The following PDE8B variants were observed in gnomAD, a reference collection of about 807,000 sequenced individuals.
PDE8B encodes the protein high affinity cAMP-specific and IBMX-insensitive 3',5'-cyclic phosphodiesterase 8B.
In PDE8B, 26 loss-of-function variants were observed where a neutral mutation model predicts 101.3. The observed-to-expected ratio is 0.26, with a 90% CI of 0.19 to 0.36. PDE8B has a LOEUF of 0.36. Among genes scored for constraint, PDE8B ranks in the 10% least tolerant of loss-of-function variants. The pLI is 1.00. For synonymous variants in PDE8B, 424 were observed against 429.3 expected (o/e 0.99, Z 0.15); for missense variants, 810 against 1,163.1 (o/e 0.70, Z 4.42).
Position 77,411,741 on chromosome 5 carries a change from C to T in PDE8B, c.1576+20C>T, listed in dbSNP as rs1335124992. The T allele has an allele frequency of 1.9e-6, 3 of 1,574,306 alleles. No homozygotes were observed. ...CTAAGAGTAAGTTTTCATCTATTTA[C>T]TTGTTAGTGTAACCTGTCTCCAGCC... On this transcript the variant is annotated intron_variant, in intron 15 of 21. Coordinates refer to ENST00000264917, the MANE Select transcript of PDE8B (RefSeq NM_003719.5).
chr5:77,422,902 G>A (rs1484967546), intron 20 of PDE8B, among the ~76,000 whole-genome samples: 1 of 152,198 alleles, frequency 6.6e-6, no homozygotes, highest in African/African-American at 2.4e-5. Flanking sequence ...GGGGGTACAT[G>A]TGCAGGTTTG....
chr5:77,275,462 G>T (rs780736092), intron 1 of PDE8B, among the ~76,000 whole-genome samples: 1 of 152,220 alleles, frequency 6.6e-6, no homozygotes, highest in Non-Finnish European at 1.5e-5. Context: ...TCTTTTAAGA[G>T]AACAGTTTTA....
chr5:77,270,205 A>G (rs1456481024), intron 1 of PDE8B, among the ~76,000 whole-genome samples: 1 of 151,986 alleles, frequency 6.6e-6, no homozygotes, highest in African/African-American at 2.4e-5. Context: ...GTTAATTCCT[A>G]TGTATTTTAT....
rs1468583953 is a variant in PDE8B, at chr5:77,234,995, C to A, written c.339+23731C>A. ...TCATATTGTTGGAAAGACCACTCTTCCAGTGGTCTCTCACCCCCAACCCAT... is the reference window on the plus strand; with the variant it reads ...TCATATTGTTGGAAAGACCACTCTTACAGTGGTCTCTCACCCCCAACCCAT... On this transcript the variant is annotated intron_variant, in intron 1 of 21. Transcript: ENST00000264917. 2.6e-5 allele frequency among the ~76,000 whole-genome samples: 4 copies of A among 152,174 alleles called. No individual in the cohort carries two copies. In the East Asian group the frequency reaches 7.7e-4, roughly 29 times the overall value.
chr5:77,295,566 G>A (rs1026546373), intron 1 of PDE8B, among the ~76,000 whole-genome samples: 10 of 152,108 alleles, frequency 6.6e-5, no homozygotes, highest in African/African-American at 2.2e-4. Context: ...CTTTTAAGAA[G>A]CCACACACCA....
At chr5:77,159,223 T>A in the PDE8B span, among the ~76,000 whole-genome samples, 1 of 152,198 alleles carries the variant, frequency 6.6e-6, no homozygotes, top group South Asian at 2.1e-4. Flanking sequence ...ATACTGAGTG[T>A]CAACTTAATT....
rs543437450 is a variant in PDE8B, at chr5:77,369,957, A to C, written c.1167+16551A>C. On this transcript the variant is annotated intron_variant, in intron 10 of 21. Transcript: ENST00000264917. Reference sequence around the variant, plus strand: ...TACAGCAAAGTTGAAAGAATTTTACAGTAAACACCTGAATAACCACCACCT... The same window carrying C: ...TACAGCAAAGTTGAAAGAATTTTACCGTAAACACCTGAATAACCACCACCT... 1.9e-3 allele frequency among the ~76,000 whole-genome samples: 283 copies of C among 152,382 alleles called. 2 individuals are homozygous for C. Among genetic ancestry groups the C allele is most frequent in the African/African-American group, 6.6e-3 (275 of 41,592 alleles).
At chr5:77,343,472 T>C (rs1442202793) in intron 6 of PDE8B, among the ~76,000 whole-genome samples, 1 of 152,186 alleles carries the variant, frequency 6.6e-6, no homozygotes, top group Non-Finnish European at 1.5e-5. Flanking sequence ...AATTTAAACA[T>C]AGAAAGGCAC....
intron 10 of PDE8B, among the ~76,000 whole-genome samples, chr5:77,394,281 T>C (rs1790556753): frequency 1.3e-5 from 2 of 152,170 alleles, no homozygotes; most frequent in African/African-American, 4.8e-5. Flanking sequence ...TCAGGCACTG[T>C]AGAATCCAGC....
intron 10 of PDE8B, among the ~76,000 whole-genome samples, chr5:77,363,918 C>T (rs1046083500): frequency 6.6e-6 from 1 of 152,118 alleles, no homozygotes; most frequent in African/African-American, 2.4e-5. Context: ...AGTCCATACC[C>T]TACCTCCAGG....
At chr5:77,263,461 G>A (rs1215345782) in intron 1 of PDE8B, among the ~76,000 whole-genome samples, 2 of 152,120 alleles carry the variant, frequency 1.3e-5, no homozygotes, top group African/African-American at 2.4e-5. Flanking sequence ...CTGATATGCC[G>A]TTATAGAATC....
chr5:77,389,875 T>G (rs1789547487), intron 10 of PDE8B, among the ~76,000 whole-genome samples: 2 of 152,240 alleles, frequency 1.3e-5, no homozygotes, highest in African/African-American at 2.4e-5. Flanking sequence ...TGTTTCCAGC[T>G]TTTGGCTGCT....
intron 10 of PDE8B, among the ~76,000 whole-genome samples, chr5:77,364,995 A>T (rs1350961527): frequency 6.6e-6 from 1 of 152,208 alleles, no homozygotes; most frequent in African/African-American, 2.4e-5. Context: ...AGGCAGATTC[A>T]TAAGAAGCCA....
At chr5:77,412,003 CT>C (rs1343993312) in intron 15 of PDE8B, 96 bp from the exon 16 acceptor site, 5 of 1,291,554 alleles carry the variant, frequency 3.9e-6, no homozygotes, top group Non-Finnish European at 5.6e-6. Context: ...AGGTACAAGA[CT>C]TTTTTTCTAG....
chr5:77,266,231 T>TA (rs903710839), intron 1 of PDE8B, among the ~76,000 whole-genome samples: 4 of 152,160 alleles, frequency 2.6e-5, no homozygotes, highest in African/African-American at 9.7e-5. Context: ...GTGAAAGTGG[T>TA]AAAAAAAATT....
At chr5:77,113,330 A>T in the PDE8B span, 1 of 152,228 alleles carries the variant, frequency 6.6e-6, no homozygotes, top group Non-Finnish European at 1.5e-5. Flanking sequence ...AGACCAATGG[A>T]ACAGAACAGA....
intron 5 of PDE8B, among the ~76,000 whole-genome samples, chr5:77,336,360 G>A (rs1042821493): frequency 1.3e-5 from 2 of 152,106 alleles, no homozygotes; most frequent in African/African-American, 4.8e-5. Flanking sequence ...ATTCCCAAAT[G>A]TGTTCCCATT....
At chr5:77,138,402 A>G in the PDE8B span, among the ~76,000 whole-genome samples, 1 of 152,074 alleles carries the variant, frequency 6.6e-6, no homozygotes, top group African/African-American at 2.4e-5. Flanking sequence ...GCTTTCTCCC[A>G]TAGCTTGTAT....
chr5:77,235,757 A>G (rs530110912), intron 1 of PDE8B, among the ~76,000 whole-genome samples: 5 of 151,438 alleles, frequency 3.3e-5, no homozygotes, highest in Middle Eastern at 3.4e-3. Context: ...GCAGATATTG[A>G]TTGAAGTGGG....
Sources: gnomAD v4.1 joint callset for allele counts (sites outside exome capture counted in the v4.1 genomes callset) on GRCh38, gnomAD v4.1.1 for gene constraint, MANE v1.5 for transcripts, NCBI Gene and HGNC (gene_info 2026-07-23, HGNC 2026-07-21) for gene names.